Variants in MS4A4E observed in about 807,000 individuals in gnomAD.
The protein encoded by MS4A4E is putative membrane-spanning 4-domains subfamily A member 4E.
A neutral mutation model predicts 13.3 loss-of-function variants in MS4A4E; 23 were observed. That is an observed-to-expected ratio of 1.73 (90% CI 1.25 to 2.45). The LOEUF (loss-of-function observed/expected upper bound fraction) is 2.45, where lower values mean the gene tolerates loss of function less well. Among genes scored for constraint, MS4A4E ranks in the 30% most tolerant of loss-of-function variants. The pLI is 0.00. For synonymous variants in MS4A4E, 36 were observed against 45.6 expected, an observed-to-expected ratio of 0.79 and a Z score of 0.85; for missense variants, 144 against 131.2, an observed-to-expected ratio of 1.10 and a Z score of -0.48.
chr11:60,219,153 C>T lies in MS4A4E; in HGVS notation c.179-4539G>A, dbSNP rs890966803. Among the ~76,000 whole-genome samples the T allele has an allele frequency of 5.3e-5, 8 of 152,164 alleles. 1 individual carries two copies. The highest frequency in any genetic ancestry group is 1.0e-4 in the Non-Finnish European group (7 of 68,034). ...CAGCTGGGAGGGTTCAGAAGATATA[C>T]CCTTGACCAGTACTTTGTGAAATAG... is the stretch of plus-strand genomic sequence containing the variant. On this transcript the variant is annotated intron_variant, in intron 3 of 8. Coordinates refer to ENST00000651255, the MANE Select transcript of MS4A4E (RefSeq NM_001393391.1).
intron 3 of MS4A4E, among the ~76,000 whole-genome samples, chr11:60,221,515 C>G (rs951513986): frequency 6.6e-6 from 1 of 152,184 alleles, no homozygotes; most frequent in South Asian, 2.1e-4. Flanking sequence ...ATGCAGGCAC[C>G]ACCTCAAAGT....
chr11:60,217,116 G>A (rs1217845672), intron 3 of MS4A4E, among the ~76,000 whole-genome samples: 1 of 152,018 alleles, frequency 6.6e-6, no homozygotes, highest in Non-Finnish European at 1.5e-5. Flanking sequence ...ATGAACTCAG[G>A]GATTCTAACT....
At chr11:60,223,015 G>A (rs1267593741) in intron 3 of MS4A4E, among the ~76,000 whole-genome samples, 3 of 151,968 alleles carry the variant, frequency 2.0e-5, no homozygotes, top group Admixed American at 6.6e-5. Context: ...CCCAGACTAG[G>A]CCTTCTGGAA....
intron 3 of MS4A4E, among the ~76,000 whole-genome samples, chr11:60,224,151 G>C (rs2084312826): frequency 6.6e-6 from 1 of 152,050 alleles, no homozygotes; most frequent in Non-Finnish European, 1.5e-5. Flanking sequence ...GTAAGACTTG[G>C]TATTTTATTC....
chr11:60,208,721 T>C lies in MS4A4E; in HGVS notation c.382-27A>G, dbSNP rs2084080697. 4.1e-6 allele frequency: 4 copies of C among 966,714 alleles called. No homozygotes were observed. The Middle Eastern group carries it at 7.0e-4, about 169-fold the overall frequency. 59.9% of individuals were successfully genotyped at this position (966,714 alleles called of 1,614,324 possible). On this transcript the variant is annotated intron_variant, in intron 5 of 8. Coordinates refer to ENST00000651255, the MANE Select transcript of MS4A4E (RefSeq NM_001393391.1). ...TAGGAGAAAACTCATAACAAGGGAA[T>C]GTGAGAAATGGAGATGACAAGTGAA... is the stretch of plus-strand genomic sequence containing the variant.
chr11:60,213,412 C>T (rs1243398482), intron 4 of MS4A4E: 3 of 994,964 alleles, frequency 3.0e-6, no homozygotes, highest in Non-Finnish European at 4.4e-6. Flanking sequence ...ACAGTCATGT[C>T]TGTGTCCTTC....
rs77151726 is a variant in MS4A4E at position 60,203,050 on chromosome 11, C to T, written c.660-1171G>A. On this transcript the variant is annotated intron_variant, in intron 8 of 8. Transcript: ENST00000651255. ...TTCTTTGTGTCCCATATGGACATTA[C>T]TCTTATACTTAGTACAGTTATTTAA... 1.3e-3 allele frequency among the ~76,000 whole-genome samples: 205 copies of T among 152,282 alleles called. 2 individuals are homozygous for T. In the East Asian group the frequency reaches 0.037, roughly 27 times the overall value.
chr11:60,235,147 C>T (rs1312711972), intron 1 of MS4A4E, among the ~76,000 whole-genome samples: 1 of 152,202 alleles, frequency 6.6e-6, no homozygotes, highest in Non-Finnish European at 1.5e-5. Context: ...GAGACAGGGT[C>T]TCACTCTATC....
At chr11:60,237,113 A>T (rs1205169377) in intron 1 of MS4A4E, among the ~76,000 whole-genome samples, 1 of 152,148 alleles carries the variant, frequency 6.6e-6, no homozygotes, top group African/African-American at 2.4e-5. Flanking sequence ...TCCACCCTCT[A>T]ATAAGCCCCA....
At chr11:60,203,748 C>T (rs936074963) in intron 8 of MS4A4E, among the ~76,000 whole-genome samples, 2 of 152,004 alleles carry the variant, frequency 1.3e-5, no homozygotes, top group Admixed American at 1.3e-4. Context: ...GACCCTGTCT[C>T]AAAAATTAGA....
At chr11:60,242,631 T>G (rs1324474389) in intron 1 of MS4A4E, among the ~76,000 whole-genome samples, 4 of 152,150 alleles carry the variant, frequency 2.6e-5, no homozygotes, top group Non-Finnish European at 5.9e-5. Context: ...TTAATCAAAG[T>G]TTAAAATGTT....
chr11:60,209,742 C>T (rs2084095568), intron 5 of MS4A4E, among the ~76,000 whole-genome samples: 2 of 152,074 alleles, frequency 1.3e-5, no homozygotes, highest in African/African-American at 4.8e-5. Flanking sequence ...TTAATTTTAC[C>T]CCGGACTGAT....
intron 3 of MS4A4E, among the ~76,000 whole-genome samples, chr11:60,216,216 T>C (rs1434276278): frequency 2.0e-5 from 3 of 152,226 alleles, no homozygotes; most frequent in Non-Finnish European, 4.4e-5. Flanking sequence ...TACAAGAGTC[T>C]GAGTGATGAC....
At chr11:60,226,643 T>C (rs781005120) in intron 3 of MS4A4E, among the ~76,000 whole-genome samples, 7 of 152,118 alleles carry the variant, frequency 4.6e-5, no homozygotes, top group African/African-American at 1.4e-4. Flanking sequence ...CTTGTTTAGG[T>C]TGATAAAGAA....
chr11:60,209,583 T>C (rs1421506731), intron 5 of MS4A4E, among the ~76,000 whole-genome samples: 1 of 152,206 alleles, frequency 6.6e-6, no homozygotes, highest in Non-Finnish European at 1.5e-5. Flanking sequence ...AGTAATTTGT[T>C]ACAGTAACAA....
intron 1 of MS4A4E, among the ~76,000 whole-genome samples, chr11:60,236,324 A>G (rs1476573565): frequency 6.6e-6 from 1 of 152,126 alleles, no homozygotes; most frequent in Non-Finnish European, 1.5e-5. Flanking sequence ...TTAGCTTGCA[A>G]ATTTCTGAAA....
chr11:60,203,734 G>C (rs1163075569), intron 8 of MS4A4E, among the ~76,000 whole-genome samples: 1 of 152,166 alleles, frequency 6.6e-6, no homozygotes, highest in Non-Finnish European at 1.5e-5. Context: ...GGGTGACAGA[G>C]CCAGACCCTG....
At chr11:60,227,680 A>G (rs564790522) in intron 3 of MS4A4E, among the ~76,000 whole-genome samples, 8 of 152,280 alleles carry the variant, frequency 5.3e-5, no homozygotes, top group Admixed American at 1.3e-4. Context: ...TAGGAGTAAC[A>G]CTACCCATCT....
In MS4A4E at chr11:60,230,042, T is replaced by C. The variant is rs1308788539; in HGVS notation, c.14A>G (p.Gln5Arg). The C allele has an allele frequency of 6.3e-7, 1 of 1,590,620 alleles. No homozygotes were observed. Among genetic ancestry groups the C allele is most frequent in the African/African-American group, 1.4e-5 (1 of 73,442 alleles). MTTM[Q>R]GMEQTTPGAG... ...CCCTGGAGTGGTCTGTTCCATTCCT[T>C]GCATGGTTGTCATGGCAGCAGAAAA... is the stretch of plus-strand genomic sequence containing the variant. The change falls in exon 2 of 9, where the codon CAA (glutamine) becomes CGA (arginine). Residue 5 changes from glutamine (Q) to arginine (R), a missense_variant. Gln to Arg is a conservative substitution (Grantham distance 43, BLOSUM62 1). Coordinates refer to ENST00000651255, the MANE Select transcript of MS4A4E (RefSeq NM_001393391.1).
Sources: gnomAD v4.1 joint callset for allele counts (sites outside exome capture counted in the v4.1 genomes callset) on GRCh38, gnomAD v4.1.1 for gene constraint, MANE v1.5 for transcripts, NCBI Gene and HGNC (gene_info 2026-07-23, HGNC 2026-07-21) for gene names.